The following MORC1 variants were observed in gnomAD, a reference collection of about 807,000 sequenced individuals.
The protein encoded by MORC1 is MORC family CW-type zinc finger 1, also known as MORC family CW-type zinc finger protein 1.
In MORC1, 59 loss-of-function variants were observed where a neutral mutation model predicts 134.9. That is an observed-to-expected ratio of 0.44 (90% CI 0.35 to 0.54). The LOEUF is 0.54. Among genes scored for constraint, MORC1 ranks in the 20% least tolerant of loss-of-function variants. The pLI is 0.00. For synonymous variants in MORC1, 395 were observed against 391.7 expected, an observed-to-expected ratio of 1.01 and a Z score of -0.10; for missense variants, 947 against 1,134.5, an observed-to-expected ratio of 0.83 and a Z score of 2.37.
intron 8 of MORC1, among the ~76,000 whole-genome samples, chr3:109,073,350 G>A (rs1038982519): frequency 6.6e-6 from 1 of 152,192 alleles, no homozygotes; most frequent in Non-Finnish European, 1.5e-5. Context: ...GATTCTCTGT[G>A]GCTGGAGTCT....
At chr3:108,982,603 A>AT in intron 23 of MORC1, among the ~76,000 whole-genome samples, 1 of 151,202 alleles carries the variant, frequency 6.6e-6, no homozygotes, top group East Asian at 1.9e-4. Flanking sequence ...AGGGGGAGGG[A>AT]TAGCATTAGG....
At chr3:109,068,234 TG>T (rs1217527948) in intron 9 of MORC1, among the ~76,000 whole-genome samples, 2 of 152,182 alleles carry the variant, frequency 1.3e-5, no homozygotes, top group South Asian at 2.1e-4. Flanking sequence ...CATAAGTTAT[TG>T]GGGTACAGGT....
At chr3:109,024,347 A>C (rs1324042163) in intron 17 of MORC1, among the ~76,000 whole-genome samples, 1 of 152,200 alleles carries the variant, frequency 6.6e-6, no homozygotes, top group Non-Finnish European at 1.5e-5. Flanking sequence ...GTTAAAATAG[A>C]TATAACTAGC....
chr3:109,043,369 G>C (rs1440957542), intron 14 of MORC1, among the ~76,000 whole-genome samples: 1 of 152,104 alleles, frequency 6.6e-6, no homozygotes, highest in Non-Finnish European at 1.5e-5. Context: ...CAAAATCATA[G>C]AGACAGAAAG....
At chr3:108,993,113 C>CA (rs1458770126) in intron 21 of MORC1, among the ~76,000 whole-genome samples, 6 of 152,142 alleles carry the variant, frequency 3.9e-5, no homozygotes, top group African/African-American at 1.2e-4. Context: ...GTCAGCCTGT[C>CA]AGAGTGTACA....
chr3:109,111,353 C>T (rs559301113), intron 2 of MORC1, among the ~76,000 whole-genome samples: 8 of 152,254 alleles, frequency 5.3e-5, no homozygotes, highest in African/African-American at 1.9e-4. Context: ...AAGGTTGCCT[C>T]AGCACTACAG....
chr3:109,063,217 A>C lies in MORC1; in HGVS notation c.830T>G (p.Val277Gly). ...AAATGCTCCTTTAAAAGAAGATGTG[A>C]CATAAAGATACTTTCTGGAAAGAAA... ...CLYRPRKYLY[V>G]TSSFKGAFKD... Residue 277 changes from valine to glycine, a missense_variant, in exon 10 of 28, where the codon GTC (valine) becomes GGC (glycine). Val to Gly is a moderately radical substitution (Grantham distance 109). Around this residue, in one of 3 missense-constraint regions of MORC1, gnomAD observed 722 missense variants for 817.0 expected, o/e 0.88. Transcript: ENST00000232603. The C allele has an allele frequency of 6.3e-7, 1 of 1,582,844 alleles. No homozygotes were observed. Among genetic ancestry groups the C allele is most frequent in the Non-Finnish European group, 8.7e-7 (1 of 1,154,324 alleles).
intron 14 of MORC1, among the ~76,000 whole-genome samples, chr3:109,052,638 T>C (rs1219995141): frequency 6.6e-6 from 1 of 152,148 alleles, no homozygotes; most frequent in Non-Finnish European, 1.5e-5. Flanking sequence ...GCAGGATGGA[T>C]ACAAATGGAA....
intron 8 of MORC1, among the ~76,000 whole-genome samples, chr3:109,088,367 A>C (rs1950655674): frequency 6.6e-6 from 1 of 152,122 alleles, no homozygotes; most frequent in African/African-American, 2.4e-5. Flanking sequence ...AGAAACCTAA[A>C]CTTACAAGAG....
chr3:109,053,370 A>G (rs1949875303), intron 14 of MORC1, among the ~76,000 whole-genome samples: 1 of 152,228 alleles, frequency 6.6e-6, no homozygotes, highest in Non-Finnish European at 1.5e-5. Flanking sequence ...ACACGGAATC[A>G]ACCCAGGTGT....
At chr3:109,079,575 C>T (rs1211012442) in intron 8 of MORC1, among the ~76,000 whole-genome samples, 2 of 151,786 alleles carry the variant, frequency 1.3e-5, no homozygotes, top group Non-Finnish European at 2.9e-5. Context: ...AATAGTCAAA[C>T]ATAAAAAATG....
chr3:109,027,625 T>C (rs973192285), intron 17 of MORC1, 126 bp downstream of exon 17: 2 of 1,286,958 alleles, frequency 1.6e-6, no homozygotes, highest in Middle Eastern at 2.1e-4. Flanking sequence ...AATTAAAAGA[T>C]GTCAAAAAGG....
intron 16 of MORC1, among the ~76,000 whole-genome samples, chr3:109,031,704 C>G (rs1401401753): frequency 6.6e-6 from 1 of 152,130 alleles, no homozygotes; most frequent in Non-Finnish European, 1.5e-5. Flanking sequence ...TAATCACGGT[C>G]CCTGGAGCTC....
At chr3:109,117,844 A>G in intron 1 of MORC1, 151 bp downstream of exon 1, 2 of 691,294 alleles carry the variant, frequency 2.9e-6, no homozygotes, top group Non-Finnish European at 5.0e-6. Context: ...TTATGCTTTC[A>G]TCGTTTTAAA....
intron 8 of MORC1, among the ~76,000 whole-genome samples, chr3:109,076,190 A>C (rs376494978): frequency 5.3e-5 from 8 of 152,360 alleles, no homozygotes; most frequent in East Asian, 1.9e-4. Flanking sequence ...GACACTTCTC[A>C]AAAGAAGACA....
At chr3:109,018,797 T>C (rs1948886094) in intron 17 of MORC1, 1 of 152,202 alleles carries the variant, frequency 6.6e-6, no homozygotes, top group Non-Finnish European at 1.5e-5. Flanking sequence ...CATAACTGCT[T>C]GTGATAGAAG....
At position 108,958,852 on chromosome 3, in the gene MORC1, C is replaced by A; in HGVS notation, c.*113G>T. On this transcript the variant is annotated 3_prime_UTR_variant, in exon 28 of 28. Coordinates refer to ENST00000232603, the MANE Select transcript of MORC1 (RefSeq NM_014429.4). The stretch of plus-strand genomic sequence containing the variant: ...ATTTGAAAAAAATTATTTCTTATTT[C>A]TTATTGTTAAACAGAATAGACTTTA... 1.6e-6 allele frequency: 1 copy of A among 643,530 alleles called. No homozygotes were observed. Among genetic ancestry groups the A allele is most frequent in the Non-Finnish European group, 2.4e-6 (1 of 418,662 alleles). The allele number at this position is 643,530 out of a possible 1,614,324, so 39.9% of individuals were successfully genotyped here.
chr3:109,101,025 G>A (rs933847315), intron 4 of MORC1, among the ~76,000 whole-genome samples: 1 of 152,204 alleles, frequency 6.6e-6, no homozygotes, highest in African/African-American at 2.4e-5. Flanking sequence ...TGAAAGAGAT[G>A]AGACAGACCT....
intron 17 of MORC1, chr3:109,018,772 T>C (rs1446260897): frequency 2.6e-5 from 4 of 152,162 alleles, no homozygotes; most frequent in African/African-American, 9.7e-5. Context: ...TATTAGTAAA[T>C]ATAGATATTT....
Sources: allele counts gnomAD v4.1 joint callset (sites outside exome capture counted in the v4.1 genomes callset), GRCh38; gene constraint gnomAD v4.1.1; regional missense constraint gnomAD v4.1.1; transcripts MANE v1.5; gene names NCBI Gene and HGNC (gene_info 2026-07-23, HGNC 2026-07-21).